The following GRIP1 variants were observed in gnomAD, a reference collection of about 807,000 sequenced individuals.
GRIP1 encodes the protein glutamate receptor interacting protein 1.
In GRIP1, 45 loss-of-function variants were observed where a neutral mutation model predicts 129.9. The observed-to-expected ratio is 0.35, with a 90% confidence interval of 0.27 to 0.44. The LOEUF (loss-of-function observed/expected upper bound fraction) is 0.44, where lower values mean the gene tolerates loss of function less well. Among genes scored for constraint, GRIP1 ranks in the 20% least tolerant of loss-of-function variants. GRIP1 has a pLI of 1.00. For synonymous variants in GRIP1, 530 were observed against 520.8 expected (o/e 1.02, Z -0.24); for missense variants, 1,196 against 1,396.8 (o/e 0.86, Z 2.29).
upstream of GRIP1, among the ~76,000 whole-genome samples, chr12:67,069,332 CCG>C (rs1189075688): frequency 7.3e-6 from 1 of 136,414 alleles, no homozygotes; most frequent in African/African-American, 2.7e-5. Context: ...GCGGCGGCGG[CCG>C]GGCCGGGCCG....
At chr12:66,846,191 C>T (rs2039812002) in intron 1 of GRIP1, among the ~76,000 whole-genome samples, 1 of 152,150 alleles carries the variant, frequency 6.6e-6, no homozygotes, top group Non-Finnish European at 1.5e-5. Flanking sequence ...CTACTCTATA[C>T]CCTCCTTCTT....
At chr12:66,446,442 T>C (rs973055253) in intron 11 of GRIP1, among the ~76,000 whole-genome samples, 3 of 152,068 alleles carry the variant, frequency 2.0e-5, no homozygotes, top group African/African-American at 7.2e-5. Flanking sequence ...TAACACCATA[T>C]ACCTCATAAC....
At chr12:66,369,751 G>A (rs186777065) in intron 23 of GRIP1, among the ~76,000 whole-genome samples, 157 of 152,248 alleles carry the variant, frequency 1.0e-3, no homozygotes, top group South Asian at 1.5e-3. Context: ...GAGGGAACCC[G>A]CAGGTGCCAG....
chr12:66,478,056 T>C (rs1004949363), intron 7 of GRIP1, among the ~76,000 whole-genome samples: 17 of 152,064 alleles, frequency 1.1e-4, no homozygotes, highest in Non-Finnish European at 1.8e-4. Context: ...AGAGCTTCTG[T>C]GCAGCAAAAG....
chr12:66,559,029 C>T (rs2062427020), intron 2 of GRIP1, among the ~76,000 whole-genome samples: 1 of 151,610 alleles, frequency 6.6e-6, no homozygotes, highest in South Asian at 2.1e-4. Flanking sequence ...TTAACCTACA[C>T]AAATCAATCA....
chr12:66,860,124 C>T (rs2040085883), intron 1 of GRIP1, among the ~76,000 whole-genome samples: 1 of 152,100 alleles, frequency 6.6e-6, no homozygotes, highest in Non-Finnish European at 1.5e-5. Flanking sequence ...CGGAAATCAA[C>T]TCTTTCCTTT....
chr12:66,438,105 T>C (rs2058365472), intron 13 of GRIP1, among the ~76,000 whole-genome samples: 1 of 152,246 alleles, frequency 6.6e-6, no homozygotes, highest in African/African-American at 2.4e-5. Flanking sequence ...CATTCTGGGG[T>C]TGCTGGACAG....
chr12:66,686,023 T>G (rs1393444307), intron 1 of GRIP1, among the ~76,000 whole-genome samples: 4 of 152,202 alleles, frequency 2.6e-5, no homozygotes, highest in Non-Finnish European at 4.4e-5. Flanking sequence ...GCAATACTGT[T>G]TGTAAAACTC....
chr12:66,489,156 G>T (rs1382724672), intron 7 of GRIP1, among the ~76,000 whole-genome samples: 2 of 152,094 alleles, frequency 1.3e-5, no homozygotes, highest in Non-Finnish European at 2.9e-5. Flanking sequence ...AAACCCGGCA[G>T]GGATACAACA....
chr12:66,884,646 T>C (rs1306720907), intron 1 of GRIP1, among the ~76,000 whole-genome samples: 1 of 151,998 alleles, frequency 6.6e-6, no homozygotes, highest in Non-Finnish European at 1.5e-5. Context: ...AAAAGAGAAG[T>C]TGCAAGTTTC....
At chr12:67,032,009 G>A (rs115650274) in intron 1 of GRIP1, among the ~76,000 whole-genome samples, 188 of 152,120 alleles carry the variant, frequency 1.2e-3, no homozygotes, top group African/African-American at 3.8e-3. Context: ...ACATCTCCAC[G>A]GACTGCTGTC....
At position 66,348,982 on chromosome 12, in the gene GRIP1, A is replaced by C; in HGVS notation, c.*37T>G. On this transcript the variant is annotated 3_prime_UTR_variant, in exon 25 of 25. Transcript: ENST00000359742. ...TCTTAAAGGATTTTTAGCACCATGTAGATATTGTCTTTTGTCCTGCTTTAT... is the reference window on the plus strand; with the variant it reads ...TCTTAAAGGATTTTTAGCACCATGTCGATATTGTCTTTTGTCCTGCTTTAT... 8 of 1,346,058 alleles carry C rather than the reference A, an allele frequency of 5.9e-6. No individual in the cohort carries two copies. The highest frequency in any genetic ancestry group is 8.6e-6 in the Non-Finnish European group (8 of 934,704). 83.4% of individuals were successfully genotyped at this position (1,346,058 alleles called of 1,614,324 possible).
intron 15 of GRIP1, among the ~76,000 whole-genome samples, chr12:66,418,460 C>G (rs1221159115): frequency 6.6e-6 from 1 of 151,988 alleles, no homozygotes; most frequent in African/African-American, 2.4e-5. Flanking sequence ...AGTGAAAAAT[C>G]TTTTTCATAG....
At chr12:67,067,744 T>C (rs2043654316) in intron 1 of GRIP1, among the ~76,000 whole-genome samples, 1 of 152,094 alleles carries the variant, frequency 6.6e-6, no homozygotes, top group Admixed American at 6.5e-5. Flanking sequence ...ATTCAAAAGC[T>C]TGAAACTTTT....
At chr12:66,561,533 T>C (rs1479314891) in intron 2 of GRIP1, among the ~76,000 whole-genome samples, 1 of 151,896 alleles carries the variant, frequency 6.6e-6, no homozygotes, top group Non-Finnish European at 1.5e-5. Flanking sequence ...TATAACAATA[T>C]GGTTAGTTAT....
intron 1 of GRIP1, among the ~76,000 whole-genome samples, chr12:66,776,522 T>C (rs2136757146): frequency 6.6e-6 from 1 of 152,290 alleles, no homozygotes; most frequent in Middle Eastern, 3.4e-3. Flanking sequence ...AGCAAAGTTC[T>C]AGTCAAAGGG....
At chr12:66,580,822 C>A (rs2063346519) in intron 2 of GRIP1, among the ~76,000 whole-genome samples, 1 of 151,384 alleles carries the variant, frequency 6.6e-6, no homozygotes. Flanking sequence ...GACTTTAACA[C>A]CCCACTGTCA....
chr12:66,769,662 T>C (rs890799545), intron 1 of GRIP1, among the ~76,000 whole-genome samples: 1 of 152,142 alleles, frequency 6.6e-6, no homozygotes, highest in Non-Finnish European at 1.5e-5. Flanking sequence ...ATCTCTCTTA[T>C]TGCTGCAAAT....
intron 23 of GRIP1, among the ~76,000 whole-genome samples, chr12:66,359,514 C>A (rs375997961): frequency 1.8e-4 from 28 of 152,314 alleles, no homozygotes; most frequent in African/African-American, 6.7e-4. Flanking sequence ...AGTGGGTTAG[C>A]AGAGTAGCTC....
Sources: gnomAD v4.1 joint callset for allele counts (sites outside exome capture counted in the v4.1 genomes callset) on GRCh38, gnomAD v4.1.1 for gene constraint, MANE v1.5 for transcripts, NCBI Gene and HGNC (gene_info 2026-07-23, HGNC 2026-07-21) for gene names.